Variants in ASTN2 observed in about 807,000 individuals in gnomAD.
ASTN2 encodes the protein astrotactin 2.
In ASTN2, 54 loss-of-function variants were observed where a neutral mutation model predicts 139.8. The ratio of observed to expected loss-of-function variants is 0.39; its 90% CI spans 0.31 to 0.48. The LOEUF (loss-of-function observed/expected upper bound fraction) is 0.48. Ranked by LOEUF, ASTN2 falls within the 20% of genes least tolerant of loss-of-function variation. ASTN2 has a pLI of 0.95. For synonymous variants in ASTN2, 756 were observed against 719.5 expected, an observed-to-expected ratio of 1.05 and a Z score of -0.81; for missense variants, 1,565 against 1,725.1, an observed-to-expected ratio of 0.91 and a Z score of 1.64.
At chr9:116,625,031 T>C (rs1856371729) in intron 17 of ASTN2, among the ~76,000 whole-genome samples, 1 of 152,148 alleles carries the variant, frequency 6.6e-6, no homozygotes, top group Non-Finnish European at 1.5e-5. Flanking sequence ...TGTGTGTGCA[T>C]GTTTGTGATC....
chr9:116,790,136 G>A (rs568814562), intron 13 of ASTN2, among the ~76,000 whole-genome samples: 2 of 152,130 alleles, frequency 1.3e-5, no homozygotes, highest in Admixed American at 6.5e-5. Flanking sequence ...ATGTTGGCCA[G>A]GCTGGTCTTG....
chr9:116,994,753 T>C (rs562550968), intron 7 of ASTN2, among the ~76,000 whole-genome samples: 26 of 152,348 alleles, frequency 1.7e-4, no homozygotes, highest in Middle Eastern at 3.4e-3. Context: ...GATTCAGTTC[T>C]ATTATCTTCC....
At chr9:116,519,748 T>C (rs1850792048) in intron 19 of ASTN2, among the ~76,000 whole-genome samples, 1 of 152,024 alleles carries the variant, frequency 6.6e-6, no homozygotes, top group Non-Finnish European at 1.5e-5. Flanking sequence ...ATAAAATTGA[T>C]AGACTATTAG....
chr9:116,446,272 T>TAGATAGAGAGAGAG (rs1564282640), intron 20 of ASTN2, among the ~76,000 whole-genome samples: 4 of 119,036 alleles, frequency 3.4e-5, no homozygotes, highest in South Asian at 3.1e-4. Context: ...GAGAGAGAGA[T>TAGATAGAGAGAGAG]AGAGAGAGAG....
intron 17 of ASTN2, among the ~76,000 whole-genome samples, chr9:116,639,831 C>G (rs1302013657): frequency 6.6e-6 from 1 of 152,208 alleles, no homozygotes; most frequent in Admixed American, 6.5e-5. Flanking sequence ...GTGCTACCTT[C>G]ATGCTTCTAT....
At chr9:117,086,810 C>T (rs1828575475) in intron 5 of ASTN2, among the ~76,000 whole-genome samples, 1 of 152,148 alleles carries the variant, frequency 6.6e-6, no homozygotes, top group Non-Finnish European at 1.5e-5. Flanking sequence ...CTCTAGCTAA[C>T]CCTTTTTCTT....
intron 10 of ASTN2, among the ~76,000 whole-genome samples, chr9:116,892,061 C>T (rs1000753767): frequency 6.6e-6 from 1 of 152,098 alleles, no homozygotes; most frequent in African/African-American, 2.4e-5. Context: ...ATCTGATATG[C>T]CTGAATACAT....
In ASTN2 at chr9:117,291,415, C is replaced by T. The variant is rs201291249; in HGVS notation, c.541G>A (p.Gly181Arg). 1,146 of 1,614,224 alleles carry T rather than the reference C, an allele frequency of 7.1e-4. 11 individuals are homozygous for T. Among genetic ancestry groups the T allele is most frequent in the East Asian group, 3.3e-3 (150 of 44,874 alleles). ...LYFHVSMSSS[G>R]QLAQATAPTL... ...GGGGCGGTGGCTTGGGCCAGCTGCCCGGAGCTGCTCATGGAGACGTGGAAG... is the reference window on the plus strand; with the variant it reads ...GGGGCGGTGGCTTGGGCCAGCTGCCTGGAGCTGCTCATGGAGACGTGGAAG... The change falls in exon 2 of 23, where the codon GGG (glycine) becomes AGG (arginine). Residue 181 changes from glycine (G) to arginine (R), a missense_variant. By Grantham distance (125) the Gly-to-Arg change is moderately radical. Coordinates refer to ENST00000313400, the MANE Select transcript of ASTN2 (RefSeq NM_001365068.1).
intron 2 of ASTN2, among the ~76,000 whole-genome samples, chr9:117,265,148 C>T (rs1247850161): frequency 6.6e-6 from 1 of 152,144 alleles, no homozygotes; most frequent in Non-Finnish European, 1.5e-5. Context: ...AGGAATTTGA[C>T]TGTAAGTGGC....
intron 19 of ASTN2, among the ~76,000 whole-genome samples, chr9:116,564,797 CATTA>C (rs151135183): frequency 0.16 from 24,056 of 151,736 alleles, 2,057 homozygotes; most frequent in African/African-American, 0.21. Context: ...TTCATTTATT[CATTA>C]ATTAATTTAC....
At chr9:117,353,645 C>T (rs560966914) in intron 1 of ASTN2, among the ~76,000 whole-genome samples, 1 of 152,148 alleles carries the variant, frequency 6.6e-6, no homozygotes, top group Non-Finnish European at 1.5e-5. Flanking sequence ...ATTACCAGCA[C>T]AACCTCCAAC....
At chr9:117,226,637 C>T (rs1038155020) in intron 2 of ASTN2, among the ~76,000 whole-genome samples, 1 of 152,074 alleles carries the variant, frequency 6.6e-6, no homozygotes, top group South Asian at 2.1e-4. Flanking sequence ...GTGGCCATAG[C>T]AAGCAAATGA....
At chr9:117,023,331 T>C (rs1837948520) in intron 6 of ASTN2, among the ~76,000 whole-genome samples, 1 of 152,148 alleles carries the variant, frequency 6.6e-6, no homozygotes, top group Non-Finnish European at 1.5e-5. Context: ...TTCCACCTTG[T>C]TCAAGTCACC....
rs1272043063 is a variant in ASTN2, at chr9:117,008,106, C to T, written c.1577G>A (p.Cys526Tyr). ...QRTTDACEQL[C>Y]DPETGECSCH... ...CCATGGCTCACCGGTTTCTGGGTCG[C>T]AGAGCTGCTCACAGGCATCTGTCGT... The change falls in exon 7 of 23, where the codon TGC (cysteine) becomes TAC (tyrosine). Residue 526 changes from cysteine (C) to tyrosine (Y), a missense_variant. Cys to Tyr is a radical substitution (Grantham distance 194). Transcript: ENST00000313400. The T allele has an allele frequency of 3.8e-6, 6 of 1,594,532 alleles. No homozygotes were observed. The highest frequency in any genetic ancestry group is 1.1e-5 in the South Asian group (1 of 87,858).
chr9:116,997,736 A>T (rs146328597), intron 7 of ASTN2, among the ~76,000 whole-genome samples: 1 of 152,174 alleles, frequency 6.6e-6, no homozygotes, highest in East Asian at 1.9e-4. Context: ...AAGCAAAAAT[A>T]ACTACCTAGA....
intron 13 of ASTN2, among the ~76,000 whole-genome samples, chr9:116,738,282 C>T (rs113000756): frequency 1.8e-4 from 27 of 151,900 alleles, no homozygotes; most frequent in Admixed American, 1.7e-3. Context: ...AGAAAGATCC[C>T]CTGAGGTCAG....
intron 10 of ASTN2, among the ~76,000 whole-genome samples, chr9:116,950,270 G>T (rs1028298064): frequency 3.3e-5 from 5 of 152,160 alleles, no homozygotes; most frequent in Non-Finnish European, 7.3e-5. Context: ...TCCAGACATT[G>T]CTAAATGTCC....
chr9:116,907,949 A>AGTT (rs1475524785), intron 10 of ASTN2, among the ~76,000 whole-genome samples: 21 of 152,304 alleles, frequency 1.4e-4, no homozygotes, highest in African/African-American at 4.6e-4. Context: ...CACACCCAAC[A>AGTT]GTAAGACTAG....
chr9:117,295,757 A>T (rs1834715371), intron 1 of ASTN2, among the ~76,000 whole-genome samples: 1 of 152,032 alleles, frequency 6.6e-6, no homozygotes, highest in Non-Finnish European at 1.5e-5. Flanking sequence ...ATTAAAAAAA[A>T]AAAAGAAGAA....
Sources: gnomAD v4.1 joint callset for allele counts (sites outside exome capture counted in the v4.1 genomes callset) on GRCh38, gnomAD v4.1.1 for gene constraint, MANE v1.5 for transcripts, NCBI Gene and HGNC (gene_info 2026-07-23, HGNC 2026-07-21) for gene names.